Variants in BNC2 observed in about 807,000 individuals in gnomAD.
BNC2 encodes the protein zinc finger protein basonuclin-2.
In BNC2, 20 loss-of-function variants were observed where a neutral mutation model predicts 76.3. The observed-to-expected ratio is 0.26, with a 90% CI of 0.18 to 0.38. The LOEUF (loss-of-function observed/expected upper bound fraction) is 0.38, where lower values mean the gene tolerates loss of function less well. Ranked by LOEUF, BNC2 falls within the 10% of genes least tolerant of loss-of-function variation. The pLI is 1.00. For missense variants in BNC2, 1,382 were observed against 1,399.8 expected, an observed-to-expected ratio of 0.99 and a Z score of 0.20; for synonymous variants, 582 against 514.8, an observed-to-expected ratio of 1.13 and a Z score of -1.77.
chr9:16,697,665 G>T (rs10810592), intron 3 of BNC2, among the ~76,000 whole-genome samples: 90,677 of 150,888 alleles, frequency 0.6, 31,062 homozygotes, highest in Non-Finnish European at 0.79. Context: ...GGAGGTGGCA[G>T]TGAGCCGAGA....
chr9:16,710,490 T>A, intron 3 of BNC2, among the ~76,000 whole-genome samples: 1 of 152,264 alleles, frequency 6.6e-6, no homozygotes, highest in East Asian at 1.9e-4. Context: ...TCCTGGTTCA[T>A]GACCACAGAG....
chr9:16,548,098 G>A (rs1271121095), intron 5 of BNC2, among the ~76,000 whole-genome samples: 1 of 152,136 alleles, frequency 6.6e-6, no homozygotes, highest in Non-Finnish European at 1.5e-5. Flanking sequence ...TAAATATTCA[G>A]AGTGTCTCAA....
chr9:16,762,511 G>C (rs1376727523), intron 1 of BNC2, among the ~76,000 whole-genome samples: 1 of 152,204 alleles, frequency 6.6e-6, no homozygotes, highest in Non-Finnish European at 1.5e-5. Context: ...AGTATCCAGA[G>C]AGGCACAATG....
At chr9:16,760,576 A>G (rs1473469013) in intron 1 of BNC2, among the ~76,000 whole-genome samples, 2 of 152,168 alleles carry the variant, frequency 1.3e-5, no homozygotes, top group Non-Finnish European at 2.9e-5. Flanking sequence ...GGATATGAAT[A>G]CCAGGAGATC....
Position 16,578,040 on chromosome 9 carries a change from A to T in BNC2, c.433+4943T>A, listed in dbSNP as rs918169855. On this transcript the variant is annotated intron_variant, in intron 4 of 6. Coordinates refer to ENST00000380672, the MANE Select transcript of BNC2 (RefSeq NM_017637.6). ...CTAGGAAACAGTGGAATTAAAAAAA[A>T]ATTTTTTTTTGTTTTTTTCCAAAAA... 3.3e-5 allele frequency among the ~76,000 whole-genome samples: 5 copies of T among 151,362 alleles called. 1 individual carries two copies. In the South Asian group the frequency reaches 6.5e-4, roughly 20 times the overall value.
At chr9:16,460,175 T>C (rs1247073673) in intron 5 of BNC2, among the ~76,000 whole-genome samples, 1 of 152,146 alleles carries the variant, frequency 6.6e-6, no homozygotes, top group East Asian at 1.9e-4. Context: ...AGAGCAATAG[T>C]ACATCATTGA....
chr9:16,572,384 T>C (rs146941484), intron 4 of BNC2, among the ~76,000 whole-genome samples: 284 of 152,308 alleles, frequency 1.9e-3, no homozygotes, highest in African/African-American at 6.5e-3. Flanking sequence ...TTGTGGGCTG[T>C]GCTTATACCT....
intron 5 of BNC2, among the ~76,000 whole-genome samples, chr9:16,456,174 A>T (rs1400270723): frequency 6.6e-6 from 1 of 152,182 alleles, no homozygotes; most frequent in African/African-American, 2.4e-5. Context: ...TTCACTAATG[A>T]AAAGAAGGTG....
intron 1 of BNC2, among the ~76,000 whole-genome samples, chr9:16,766,616 G>A (rs1338601961): frequency 2.0e-5 from 3 of 152,188 alleles, no homozygotes; most frequent in African/African-American, 7.2e-5. Context: ...ATAATTTCAT[G>A]TGTTTGAAAA....
rs58174243 is a variant in BNC2, at chr9:16,412,720, GGAGAGAGA to G, written c.*6261_*6268del. 5,049 of 119,848 alleles carry G rather than the reference GGAGAGAGA, an allele frequency of 0.042. 135 individuals are homozygous for G. The highest frequency in any genetic ancestry group is 0.09 in the South Asian group (302 of 3,358). The allele number at this position is 119,848 out of a possible 1,614,324, so 7.4% of individuals were successfully genotyped here. On this transcript the variant is annotated 3_prime_UTR_variant, in exon 7 of 7. Coordinates refer to ENST00000380672, the MANE Select transcript of BNC2 (RefSeq NM_017637.6). Reference sequence around the variant, plus strand: ...AATAAGAGGGAAGGAGAGAGAGAGGGGAGAGAGAGAGAGAGAGAGAGAGAGAGAGAGAG... The same window carrying G: ...AATAAGAGGGAAGGAGAGAGAGAGGGGAGAGAGAGAGAGAGAGAGAGAGAG...
At chr9:16,502,147 G>A (rs1397792706) in intron 5 of BNC2, among the ~76,000 whole-genome samples, 2 of 152,126 alleles carry the variant, frequency 1.3e-5, no homozygotes, top group African/African-American at 4.8e-5. Context: ...AGGATAACTT[G>A]AGGGTAGGAG....
chr9:16,564,829 T>C (rs554368231), intron 4 of BNC2, among the ~76,000 whole-genome samples: 14 of 152,302 alleles, frequency 9.2e-5, no homozygotes, highest in African/African-American at 3.4e-4. Flanking sequence ...ATCTACTTTT[T>C]TCAATACATA....
chr9:16,737,548 C>CTT (rs34933639), intron 2 of BNC2, among the ~76,000 whole-genome samples: 45,575 of 146,056 alleles, frequency 0.31, 11,829 homozygotes, highest in African/African-American at 0.67. Flanking sequence ...CCGTGCCTGG[C>CTT]TTTTTTTTTT....
intron 5 of BNC2, among the ~76,000 whole-genome samples, chr9:16,481,649 C>A (rs1044126417): frequency 1.3e-5 from 2 of 152,196 alleles, no homozygotes; most frequent in Non-Finnish European, 2.9e-5. Context: ...AACTTAGGAA[C>A]TGGTTATTTT....
At chr9:16,558,552 G>A (rs1368277276) in intron 4 of BNC2, among the ~76,000 whole-genome samples, 3 of 152,078 alleles carry the variant, frequency 2.0e-5, no homozygotes, top group Admixed American at 6.5e-5. Context: ...TTTTCTCACT[G>A]TCTACTTGAA....
intron 5 of BNC2, among the ~76,000 whole-genome samples, chr9:16,479,263 AG>A (rs140877718): frequency 0.053 from 5,394 of 101,546 alleles, 322 homozygotes; most frequent in East Asian, 0.25. Context: ...AAAAAAAAAA[AG>A]AAAAGAAAAG....
chr9:16,540,060 C>G (rs1256131285), intron 5 of BNC2, among the ~76,000 whole-genome samples: 1 of 151,550 alleles, frequency 6.6e-6, no homozygotes, highest in Non-Finnish European at 1.5e-5. Flanking sequence ...AACCAGATGT[C>G]TCAATTCATT....
chr9:16,515,801 T>A (rs1263658997), intron 5 of BNC2, among the ~76,000 whole-genome samples: 1 of 150,902 alleles, frequency 6.6e-6, no homozygotes, highest in African/African-American at 2.4e-5. Context: ...GACTTTCAAT[T>A]CCATGCTAAA....
At chr9:16,634,190 G>T (rs190070165) in intron 3 of BNC2, among the ~76,000 whole-genome samples, 15 of 152,260 alleles carry the variant, frequency 9.9e-5, no homozygotes, top group African/African-American at 2.6e-4. Context: ...AATGGACTTA[G>T]GTATGCTATA....
Sources: allele counts gnomAD v4.1 joint callset (sites outside exome capture counted in the v4.1 genomes callset), GRCh38; gene constraint gnomAD v4.1.1; transcripts MANE v1.5; gene names NCBI Gene and HGNC (gene_info 2026-07-23, HGNC 2026-07-21).